Variants in KCNN1 observed in about 807,000 individuals in gnomAD.
The protein encoded by KCNN1 is small conductance calcium-activated potassium channel protein 1.
In KCNN1, 20 loss-of-function variants were observed where a neutral mutation model predicts 44.7. The observed-to-expected ratio is 0.45, with a 90% CI of 0.32 to 0.65. The LOEUF (loss-of-function observed/expected upper bound fraction) is 0.65. Ranked by LOEUF, KCNN1 falls within the 30% of genes least tolerant of loss-of-function variation. The pLI is 0.05. For synonymous variants in KCNN1, 324 were observed against 341.7 expected, an observed-to-expected ratio of 0.95 and a Z score of 0.57; for missense variants, 632 against 785.3, an observed-to-expected ratio of 0.80 and a Z score of 2.33.
intron 1 of KCNN1, among the ~76,000 whole-genome samples, chr19:17,953,498 A>G (rs552637815): frequency 4.4e-4 from 67 of 152,262 alleles, no homozygotes; most frequent in South Asian, 2.9e-3. Context: ...CCTGCCCTCC[A>G]TGGGGTGTCC....
intron 5 of KCNN1, among the ~76,000 whole-genome samples, chr19:17,987,972 T>G (rs1350666657): frequency 6.9e-6 from 1 of 145,254 alleles, no homozygotes; most frequent in Non-Finnish European, 1.5e-5. Context: ...AAACCCCCCC[T>G]TTACTAAACA....
intron 1 of KCNN1, among the ~76,000 whole-genome samples, chr19:17,953,974 A>G (rs768986061): frequency 1.4e-4 from 22 of 152,036 alleles, no homozygotes; most frequent in Admixed American, 8.5e-4. Context: ...ACTAGGGGCA[A>G]TGTGAGGGGG....
At position 17,985,493 on chromosome 19, in the gene KCNN1, A is replaced by G. The variant is rs1017166128; in HGVS notation, c.1059+40A>G. On this transcript the variant is annotated intron_variant, in intron 5 of 9. Coordinates refer to ENST00000684775, the MANE Select transcript of KCNN1 (RefSeq NM_001386974.1). ...CCATGTGTATGATCCTGGGAGGTCC[A>G]GCCAGCTGCCCGCTCCACCAGCCCT... The G allele has an allele frequency of 4.7e-6, 7 of 1,502,634 alleles. No homozygotes were observed. In the African/African-American group the frequency reaches 9.7e-5, roughly 21 times the overall value. The allele number at this position is 1,502,634 out of a possible 1,614,324, so 93.1% of individuals were successfully genotyped here. A position where few individuals can be genotyped will look rare whatever the true frequency, so the allele number is the denominator to read the frequency against.
intron 5 of KCNN1, among the ~76,000 whole-genome samples, chr19:17,986,897 C>A (rs1222496943): frequency 1.3e-5 from 2 of 152,220 alleles, no homozygotes; most frequent in African/African-American, 4.8e-5. Flanking sequence ...ACCTCCGCCT[C>A]CCGGGTTCAA....
intron 3 of KCNN1, among the ~76,000 whole-genome samples, chr19:17,978,126 GTT>G (rs761452750): frequency 1.1e-4 from 14 of 130,894 alleles, no homozygotes; most frequent in South Asian, 7.3e-4. Flanking sequence ...ATGTATACTT[GTT>G]TTTTTTTTTT....
intron 3 of KCNN1, among the ~76,000 whole-genome samples, chr19:17,976,573 C>T (rs2032214563): frequency 6.6e-6 from 1 of 151,860 alleles, no homozygotes; most frequent in Non-Finnish European, 1.5e-5. Flanking sequence ...CATGTGCCAC[C>T]ACACCCAGCT....
chr19:17,967,729 G>A (rs1045966651), intron 1 of KCNN1, among the ~76,000 whole-genome samples: 8 of 152,028 alleles, frequency 5.3e-5, no homozygotes, highest in African/African-American at 1.7e-4. Flanking sequence ...TCAGGAAACC[G>A]GGTCTTCCAT....
chr19:17,985,622 T>G (rs1003567095), intron 5 of KCNN1, among the ~76,000 whole-genome samples, 169 bp downstream of exon 5: 2 of 152,188 alleles, frequency 1.3e-5, no homozygotes, highest in Non-Finnish European at 2.9e-5. Flanking sequence ...TCTTTTCCTC[T>G]GACGTCACGT....
At chr19:17,992,733 C>G (rs913291631) in intron 7 of KCNN1, among the ~76,000 whole-genome samples, 1 of 152,232 alleles carries the variant, frequency 6.6e-6, no homozygotes, top group Non-Finnish European at 1.5e-5. Flanking sequence ...TCAAATCCTG[C>G]CGGGGTGCGG....
intron 3 of KCNN1, among the ~76,000 whole-genome samples, chr19:17,980,047 T>C (rs1014967209): frequency 1.4e-5 from 2 of 142,554 alleles, no homozygotes; most frequent in Non-Finnish European, 1.5e-5. Context: ...GCATTAATTT[T>C]CTTTTTCTTT....
intron 1 of KCNN1, among the ~76,000 whole-genome samples, chr19:17,968,933 C>T (rs1000782954): frequency 2.0e-5 from 3 of 152,296 alleles, no homozygotes; most frequent in South Asian, 2.1e-4. Flanking sequence ...CTGAAGTGAT[C>T]TCCTGCCTTG....
At chr19:17,967,038 GC>G (rs2031832628), upstream of KCNN1, 2 of 797,830 alleles carry the variant, frequency 2.5e-6, no homozygotes, top group Admixed American at 6.2e-5. Context: ...CGAAGGCGGT[GC>G]CAACCCGGGC....
intron 1 of KCNN1, among the ~76,000 whole-genome samples, chr19:17,954,331 C>A (rs758847208): frequency 1.3e-5 from 2 of 152,134 alleles, no homozygotes; most frequent in African/African-American, 4.8e-5. Flanking sequence ...GTGGCAGGCA[C>A]CTGTAATCCC....
chr19:17,989,674 T>C, intron 6 of KCNN1, 42 bp from the exon 7 acceptor site: 1 of 1,612,134 alleles, frequency 6.2e-7, no homozygotes. Flanking sequence ...CCTTTTGGAA[T>C]TTCGCGCCAA....
chr19:17,966,177 T>TGAC (rs2031805425), upstream of KCNN1, among the ~76,000 whole-genome samples: 15 of 152,108 alleles, frequency 9.9e-5, no homozygotes, highest in South Asian at 8.3e-4. Flanking sequence ...GGGCCAAAGC[T>TGAC]CTGGGCTGGG....
chr19:17,972,069 T>C (rs1326534197), intron 1 of KCNN1: 2 of 151,852 alleles, frequency 1.3e-5, no homozygotes, highest in African/African-American at 2.4e-5. Context: ...TCATCTGATC[T>C]CGGAAAAATA....
rs116500852 is a variant in KCNN1, at chr19:17,968,426, G to T, written c.-82+1109G>T. 8.6e-5 allele frequency among the ~76,000 whole-genome samples: 13 copies of T among 151,900 alleles called. No homozygotes were observed. In the South Asian group the frequency reaches 1.0e-3, roughly 12 times the overall value. On this transcript the variant is annotated intron_variant, in intron 1 of 9. Coordinates refer to ENST00000684775, the MANE Select transcript of KCNN1 (RefSeq NM_001386974.1). ...ACACCAACCCTCGTAGTGGGGGGGTGGGGGGGAGGCACCATGAGGAATCTT... is the reference window on the plus strand; with the variant it reads ...ACACCAACCCTCGTAGTGGGGGGGTTGGGGGGAGGCACCATGAGGAATCTT...
intron 7 of KCNN1, among the ~76,000 whole-genome samples, chr19:17,990,731 C>T (rs111982879): frequency 1.4e-5 from 2 of 144,866 alleles, no homozygotes; most frequent in African/African-American, 2.6e-5. Flanking sequence ...ACCCAGGAGG[C>T]GGAGCTCGCA....
intron 3 of KCNN1, among the ~76,000 whole-genome samples, chr19:17,976,449 C>T (rs1192508845): frequency 1.3e-5 from 2 of 151,114 alleles, no homozygotes; most frequent in African/African-American, 4.9e-5. Flanking sequence ...CGGAGTTTCA[C>T]TGTTGTTGTC....
Sources: allele counts gnomAD v4.1 joint callset (sites outside exome capture counted in the v4.1 genomes callset), GRCh38; gene constraint gnomAD v4.1.1; transcripts MANE v1.5; gene names NCBI Gene and HGNC (gene_info 2026-07-23, HGNC 2026-07-21).